MAPRE2: variants seen among roughly 807,000 people sequenced by gnomAD.
MAPRE2 encodes microtubule-associated protein RP/EB family member 2.
MAPRE2 carries 13 observed loss-of-function variants against 43.2 expected under a neutral mutation model. The ratio of observed to expected loss-of-function variants is 0.30; its 90% CI spans 0.20 to 0.48. MAPRE2 has a LOEUF of 0.48. MAPRE2 is among the 20% of genes least tolerant of loss of function. The probability of loss-of-function intolerance (pLI) is 0.99; values close to 1 mark genes in which losing one functional copy is unlikely to be tolerated. For missense variants in MAPRE2, 161 were observed against 400.2 expected (o/e 0.40, Z 5.10); for synonymous variants, 135 against 148.8 (o/e 0.91, Z 0.68).
At chr18:35,134,288 C>G (rs1477734054) in intron 6 of MAPRE2, among the ~76,000 whole-genome samples, 1 of 152,188 alleles carries the variant, frequency 6.6e-6, no homozygotes, top group African/African-American at 2.4e-5. Flanking sequence ...TTTATGTTCT[C>G]CCTTCTCCAA....
intron 3 of MAPRE2, among the ~76,000 whole-genome samples, chr18:35,097,936 G>A (rs1213613901): frequency 6.6e-6 from 1 of 152,162 alleles, no homozygotes; most frequent in East Asian, 1.9e-4. Flanking sequence ...TCATGTCATG[G>A]CAGAAACAGC....
rs568018474 is a variant in MAPRE2, at chr18:35,072,816, A to G, written c.250+2494A>G. Among the ~76,000 whole-genome samples, 10 of 152,348 alleles carry G rather than the reference A, an allele frequency of 6.6e-5. No homozygotes were observed. The East Asian group carries it at 1.7e-3, about 26-fold the overall frequency. On this transcript the variant is annotated intron_variant, in intron 2 of 6. Coordinates refer to ENST00000300249, the MANE Select transcript of MAPRE2 (RefSeq NM_014268.4). ...GTAGAAGCAATTTTGATCACTATCA[A>G]ACAGATACACATAATTACCATTAGG... is the stretch of plus-strand genomic sequence containing the variant.
intron 1 of MAPRE2, among the ~76,000 whole-genome samples, chr18:34,985,860 A>T (rs920216399): frequency 2.7e-5 from 4 of 149,840 alleles, no homozygotes; most frequent in African/African-American, 7.4e-5. Context: ...CCAGGTATGA[A>T]ATATATAGCC....
At chr18:35,035,233 A>G (rs1373222889) in intron 2 of MAPRE2, among the ~76,000 whole-genome samples, 2 of 151,996 alleles carry the variant, frequency 1.3e-5, no homozygotes, top group Admixed American at 6.6e-5. Flanking sequence ...GAAATTGGAA[A>G]TCATCATTCT....
chr18:35,016,307 G>T (rs118176244), intron 2 of MAPRE2, among the ~76,000 whole-genome samples: 4,868 of 151,062 alleles, frequency 0.032, 128 homozygotes, highest in Non-Finnish European at 0.042. Flanking sequence ...TTTCCTTTGA[G>T]ATATATATAT....
intron 1 of MAPRE2, among the ~76,000 whole-genome samples, chr18:34,986,535 G>A (rs2097021108): frequency 6.6e-6 from 1 of 152,074 alleles, no homozygotes; most frequent in Non-Finnish European, 1.5e-5. Context: ...CTTCCAGCTT[G>A]CCCTCTATTG....
chr18:35,058,620 C>A (rs904551020), intron 1 of MAPRE2, among the ~76,000 whole-genome samples: 17 of 152,140 alleles, frequency 1.1e-4, no homozygotes, highest in African/African-American at 4.1e-4. Context: ...TATTAACATA[C>A]CTTATATGTT....
At chr18:35,073,968 A>G (rs1907224705) in intron 2 of MAPRE2, among the ~76,000 whole-genome samples, 1 of 152,056 alleles carries the variant, frequency 6.6e-6, no homozygotes, top group African/African-American at 2.4e-5. Flanking sequence ...CCTCATGAAA[A>G]TTTTCTTTGA....
At chr18:35,023,671 C>A (rs1353350251) in intron 2 of MAPRE2, among the ~76,000 whole-genome samples, 1 of 151,596 alleles carries the variant, frequency 6.6e-6, no homozygotes, top group Non-Finnish European at 1.5e-5. Flanking sequence ...TTGAGAGAGG[C>A]AATTGGAGAA....
intron 4 of MAPRE2, among the ~76,000 whole-genome samples, chr18:35,117,098 G>A (rs991420258): frequency 4.7e-4 from 71 of 152,192 alleles, no homozygotes; most frequent in African/African-American, 1.5e-3. Flanking sequence ...GATGGAGACC[G>A]TAAGATGATA....
intron 2 of MAPRE2, among the ~76,000 whole-genome samples, chr18:35,009,153 C>T (rs572953338): frequency 2.6e-5 from 4 of 152,036 alleles, no homozygotes; most frequent in African/African-American, 9.6e-5. Context: ...AAATAAGATG[C>T]ACCATAGGAG....
At chr18:34,995,852 A>G (rs2097026227) in intron 1 of MAPRE2, among the ~76,000 whole-genome samples, 1 of 152,202 alleles carries the variant, frequency 6.6e-6, no homozygotes, top group Admixed American at 6.5e-5. Flanking sequence ...CCTGAAGCAC[A>G]GAGAGTGTGT....
chr18:34,995,335 C>T (rs2097025943), intron 1 of MAPRE2, among the ~76,000 whole-genome samples: 1 of 152,182 alleles, frequency 6.6e-6, no homozygotes, highest in African/African-American at 2.4e-5. Flanking sequence ...CAAGCATCTT[C>T]CTATCTCTCA....
chr18:35,049,887 C>T (rs568774881), intron 1 of MAPRE2, among the ~76,000 whole-genome samples: 1 of 152,230 alleles, frequency 6.6e-6, no homozygotes, highest in East Asian at 1.9e-4. Context: ...CAAGCTTGGG[C>T]ATTGTTGAGT....
chr18:35,106,471 A>G lies in MAPRE2; in HGVS notation c.610+4312A>G, dbSNP rs549583597. ...GATCCTGGAGTAGATTGTCACCATGAAAGGACTCAGTCTACATTAGCAAGA... is the reference window on the plus strand; with the variant it reads ...GATCCTGGAGTAGATTGTCACCATGGAAGGACTCAGTCTACATTAGCAAGA... On this transcript the variant is annotated intron_variant, in intron 4 of 6. Transcript: ENST00000300249. 6.2e-4 allele frequency among the ~76,000 whole-genome samples: 95 copies of G among 152,214 alleles called. 1 individual carries two copies. Among genetic ancestry groups the G allele is most frequent in the African/African-American group, 2.0e-3 (85 of 41,546 alleles).
chr18:35,041,338 G>GTGC, upstream of MAPRE2: 2 of 1,436,032 alleles, frequency 1.4e-6, no homozygotes, highest in Non-Finnish European at 1.8e-6. Context: ...CGTGACCAGG[G>GTGC]TGCTGCTGCC....
Position 34,988,497 on chromosome 18 carries a change from AAG to A in MAPRE2, c.-70+11421_-70+11422del, listed in dbSNP as rs533288932. ...TCAAATAGAGAAAGCGAAGTCTGACAAGAGTTACAAGATCAGATAACATCTGT... is the reference window on the plus strand; with the variant it reads ...TCAAATAGAGAAAGCGAAGTCTGACAAGTTACAAGATCAGATAACATCTGT... On this transcript the variant is annotated intron_variant, in intron 1 of 7. Coordinates refer to the MAPRE2 transcript ENST00000413393. 184 of 152,318 alleles carry A rather than the reference AAG, an allele frequency of 1.2e-3. 1 individual carries two copies. The highest frequency in any genetic ancestry group is 4.2e-3 in the African/African-American group (176 of 41,566). The allele number at this position is 152,318 out of a possible 1,614,324, so 9.4% of individuals were successfully genotyped here.
intron 1 of MAPRE2, among the ~76,000 whole-genome samples, chr18:35,044,427 A>C (rs1034571429): frequency 1.2e-4 from 18 of 152,214 alleles, no homozygotes; most frequent in Non-Finnish European, 2.4e-4. Flanking sequence ...ATGGGGTTTC[A>C]CCATGTTGGT....
chr18:35,129,397 C>T (rs951619754), intron 5 of MAPRE2, among the ~76,000 whole-genome samples: 1 of 152,162 alleles, frequency 6.6e-6, no homozygotes, highest in Admixed American at 6.5e-5. Context: ...GGGTGAAGCA[C>T]AGTCATCACT....
Sources: allele counts gnomAD v4.1 joint callset (sites outside exome capture counted in the v4.1 genomes callset), GRCh38; gene constraint gnomAD v4.1.1; transcripts MANE v1.5; gene names NCBI Gene and HGNC (gene_info 2026-07-23, HGNC 2026-07-21).